The following PPFIA2 variants were observed in gnomAD, a reference collection of about 807,000 sequenced individuals.
PPFIA2 encodes the protein liprin-alpha-2.
A neutral mutation model predicts 175.5 loss-of-function variants in PPFIA2; 46 were observed. That is an observed-to-expected ratio of 0.26 (90% CI 0.21 to 0.34). The LOEUF is 0.34. Among genes scored for constraint, PPFIA2 ranks in the 10% least tolerant of loss-of-function variants. The probability of loss-of-function intolerance (pLI) is 1.00; values close to 1 mark genes in which losing one functional copy is unlikely to be tolerated. For missense variants in PPFIA2, 1,179 were observed against 1,506.1 expected (o/e 0.78, Z 3.60); for synonymous variants, 568 against 511.4 (o/e 1.11, Z -1.49).
At chr12:81,514,011 TG>T (rs1296878152) in intron 4 of PPFIA2, among the ~76,000 whole-genome samples, 1 of 152,032 alleles carries the variant, frequency 6.6e-6, no homozygotes, top group Non-Finnish European at 1.5e-5. Context: ...TTTATCTTTT[TG>T]TTTACCCATA....
chr12:81,695,398 A>G (rs779426049), intron 3 of PPFIA2, among the ~76,000 whole-genome samples: 5 of 152,048 alleles, frequency 3.3e-5, no homozygotes, highest in African/African-American at 4.8e-5. Flanking sequence ...GGTCATTTAA[A>G]ATGTGGCACC....
intron 21 of PPFIA2, among the ~76,000 whole-genome samples, chr12:81,337,692 G>A (rs2057346356): frequency 6.6e-6 from 1 of 152,008 alleles, no homozygotes; most frequent in African/African-American, 2.4e-5. Flanking sequence ...TGGCAACTAA[G>A]ATGAATATAT....
At chr12:81,699,528 T>A (rs1318531586) in intron 3 of PPFIA2, among the ~76,000 whole-genome samples, 2 of 145,808 alleles carry the variant, frequency 1.4e-5, no homozygotes, top group Admixed American at 1.4e-4. Flanking sequence ...CATATAAACA[T>A]AAAATAATAA....
chr12:81,628,259 G>C (rs1033200678), intron 4 of PPFIA2, among the ~76,000 whole-genome samples: 4 of 151,884 alleles, frequency 2.6e-5, no homozygotes, highest in Admixed American at 1.3e-4. Flanking sequence ...AATACAATCA[G>C]GCATTTAAGG....
intron 22 of PPFIA2, chr12:81,311,913 A>G (rs889617241): frequency 1.9e-6 from 1 of 529,128 alleles, no homozygotes; most frequent in African/African-American, 1.9e-5. Context: ...ATGTCTTTTG[A>G]CATGTGTATA....
intron 8 of PPFIA2, among the ~76,000 whole-genome samples, chr12:81,397,161 A>C (rs2041281791): frequency 6.6e-6 from 1 of 152,076 alleles, no homozygotes; most frequent in Non-Finnish European, 1.5e-5. Context: ...ACTAGAGGTA[A>C]AGATTCATAA....
chr12:81,644,131 A>G (rs1595936360), intron 4 of PPFIA2, among the ~76,000 whole-genome samples: 1 of 152,158 alleles, frequency 6.6e-6, no homozygotes, highest in Non-Finnish European at 1.5e-5. Context: ...TATAAAAATA[A>G]TCATTTTTAA....
At chr12:81,564,449 A>T (rs1393212229) in intron 4 of PPFIA2, among the ~76,000 whole-genome samples, 1 of 152,160 alleles carries the variant, frequency 6.6e-6, no homozygotes, top group Admixed American at 6.5e-5. Flanking sequence ...ACTGACCAAA[A>T]TAGGTTGTCT....
At chr12:81,645,723 G>T (rs1427313140) in intron 4 of PPFIA2, among the ~76,000 whole-genome samples, 1 of 152,224 alleles carries the variant, frequency 6.6e-6, no homozygotes, top group African/African-American at 2.4e-5. Context: ...CCAAGTGAAA[G>T]CAGCCATAAA....
Position 81,375,967 on chromosome 12 carries a change from A to G in PPFIA2, c.985-25T>C, listed in dbSNP as rs890910358. 7 of 1,586,550 alleles carry G rather than the reference A, an allele frequency of 4.4e-6. No individual in the cohort carries two copies. The African/African-American group carries it at 9.5e-5, about 22-fold the overall frequency. The stretch of plus-strand genomic sequence containing the variant: ...CCTACAATTAAAATAATTTAGAAAA[A>G]GCAAATCAGATTCTCAGATTGTTTA... On this transcript the variant is annotated intron_variant, in intron 9 of 32. Coordinates refer to ENST00000549396, the MANE Select transcript of PPFIA2 (RefSeq NM_003625.5).
intron 4 of PPFIA2, among the ~76,000 whole-genome samples, chr12:81,590,159 G>T (rs2058507196): frequency 6.6e-6 from 1 of 152,104 alleles, no homozygotes; most frequent in South Asian, 2.1e-4. Flanking sequence ...GGGTAATCTT[G>T]CAGCTAAGAG....
intron 4 of PPFIA2, among the ~76,000 whole-genome samples, chr12:81,672,364 A>T (rs1435723495): frequency 6.6e-6 from 1 of 151,962 alleles, no homozygotes; most frequent in East Asian, 1.9e-4. Flanking sequence ...ATTTGGTCTA[A>T]ACAGCACACT....
At chr12:81,265,277 G>C (rs972858264) in intron 30 of PPFIA2, among the ~76,000 whole-genome samples, 2 of 106,446 alleles carry the variant, frequency 1.9e-5, no homozygotes, top group African/African-American at 7.3e-5. Context: ...TGGGCAACAA[G>C]AGCGAAACTC....
At chr12:81,632,431 G>C (rs929817967) in intron 4 of PPFIA2, among the ~76,000 whole-genome samples, 5 of 151,940 alleles carry the variant, frequency 3.3e-5, no homozygotes, top group African/African-American at 1.2e-4. Context: ...TGTAGATATT[G>C]AGAGACACAA....
intron 4 of PPFIA2, among the ~76,000 whole-genome samples, chr12:81,511,445 AT>A (rs2061786356): frequency 6.6e-6 from 1 of 152,126 alleles, no homozygotes; most frequent in Admixed American, 6.6e-5. Context: ...ATTGATTAAA[AT>A]GTAATTTATA....
intron 4 of PPFIA2, among the ~76,000 whole-genome samples, chr12:81,553,841 TCAATAA>T (rs2068369176): frequency 6.6e-6 from 1 of 152,066 alleles, no homozygotes; most frequent in African/African-American, 2.4e-5. Context: ...GGAGTTTTTG[TCAATAA>T]CAGTAAATAA....
chr12:81,451,430 G>A (rs2052556004), intron 5 of PPFIA2, among the ~76,000 whole-genome samples: 1 of 152,222 alleles, frequency 6.6e-6, no homozygotes, highest in East Asian at 1.9e-4. Context: ...AACCATGCTG[G>A]GAAGGGGTAG....
intron 4 of PPFIA2, among the ~76,000 whole-genome samples, chr12:81,510,193 C>A (rs2061621832): frequency 6.6e-6 from 1 of 151,922 alleles, no homozygotes. Context: ...TCCTTAATAA[C>A]ATATATACAA....
At chr12:81,377,159 A>T (rs1359386838) in intron 9 of PPFIA2, among the ~76,000 whole-genome samples, 1 of 152,080 alleles carries the variant, frequency 6.6e-6, no homozygotes, top group Admixed American at 6.6e-5. Context: ...TTGAAGTGAG[A>T]TGCTGTGTGT....
Sources: gnomAD v4.1 joint callset for allele counts (sites outside exome capture counted in the v4.1 genomes callset) on GRCh38, gnomAD v4.1.1 for gene constraint, MANE v1.5 for transcripts, NCBI Gene and HGNC (gene_info 2026-07-23, HGNC 2026-07-21) for gene names.